Variants in GRM7 observed in about 807,000 individuals in gnomAD.
GRM7 encodes the protein metabotropic glutamate receptor 7.
A neutral mutation model predicts 84.5 loss-of-function variants in GRM7; 35 were observed. The ratio of observed to expected loss-of-function variants is 0.41; its 90% CI spans 0.32 to 0.55. The LOEUF is 0.55. GRM7 is among the 20% of genes least tolerant of loss of function. The pLI, the probability that GRM7 is intolerant of heterozygous loss-of-function variation, is 0.19. For missense variants in GRM7, 1,003 were observed against 1,194.6 expected (o/e 0.84, Z 2.36); for synonymous variants, 487 against 455.1 (o/e 1.07, Z -0.89).
At chr3:6,996,251 T>C (rs1056491445) in intron 1 of GRM7, among the ~76,000 whole-genome samples, 4 of 152,078 alleles carry the variant, frequency 2.6e-5, no homozygotes, top group Non-Finnish European at 4.4e-5. Flanking sequence ...GATGTCACCG[T>C]GTTTGCCAGG....
intron 5 of GRM7, among the ~76,000 whole-genome samples, chr3:7,447,739 A>ATATTTATTT (rs952737550): frequency 7.1e-6 from 1 of 140,736 alleles, no homozygotes; most frequent in African/African-American, 2.5e-5. Context: ...TTTTTTTTTA[A>ATATTTATTT]TATTTATTTT....
chr3:7,168,704 C>T (rs1694886199), intron 2 of GRM7, among the ~76,000 whole-genome samples: 1 of 152,144 alleles, frequency 6.6e-6, no homozygotes, highest in African/African-American at 2.4e-5. Flanking sequence ...ACAACACTAA[C>T]AATTTAGCTG....
At chr3:7,228,658 A>T (rs1403951863) in intron 2 of GRM7, among the ~76,000 whole-genome samples, 1 of 152,232 alleles carries the variant, frequency 6.6e-6, no homozygotes, top group Non-Finnish European at 1.5e-5. Flanking sequence ...TAACAATAAA[A>T]GTCTCTTTCA....
intron 8 of GRM7, among the ~76,000 whole-genome samples, chr3:7,618,082 G>T (rs1466173442): frequency 6.6e-6 from 1 of 152,060 alleles, no homozygotes; most frequent in East Asian, 1.9e-4. Flanking sequence ...AGCTAACAAG[G>T]CTTAGCTCAG....
rs1695554877 is a variant in GRM7, at chr3:7,016,089, T to G, written c.520-130363T>G. Reference sequence around the variant, plus strand: ...TTTAGCTGTAAATGGAATGCTACTGTAGAGGAATACGCAGTTTATTAAGGG... The same window carrying G: ...TTTAGCTGTAAATGGAATGCTACTGGAGAGGAATACGCAGTTTATTAAGGG... On this transcript the variant is annotated intron_variant, in intron 1 of 9. Transcript: ENST00000357716. 2.1e-5 allele frequency among the ~76,000 whole-genome samples: 3 copies of G among 145,718 alleles called. No homozygotes were observed. In the Admixed American group the frequency reaches 2.1e-4, roughly 10 times the overall value.
chr3:6,902,520 A>G (rs1696424432), intron 1 of GRM7, among the ~76,000 whole-genome samples: 1 of 152,178 alleles, frequency 6.6e-6, no homozygotes. Flanking sequence ...TTTAGAACTA[A>G]GAGTCAACTT....
Position 7,635,433 on chromosome 3 carries a change from C to A in GRM7, c.2452-44616C>A, listed in dbSNP as rs116555600. Among the ~76,000 whole-genome samples, 1,037 of 152,308 alleles carry A rather than the reference C, an allele frequency of 6.8e-3. 12 individuals carry two copies. The highest frequency in any genetic ancestry group is 0.023 in the African/African-American group (947 of 41,580). On this transcript the variant is annotated intron_variant, in intron 8 of 9. Coordinates refer to ENST00000357716, the MANE Select transcript of GRM7 (RefSeq NM_000844.4). ...TGAAGCATGGAGTTGTCAAACCAAC[C>A]TAACTCCTTAATAAAATGGCATCTT...
Position 7,314,459 on chromosome 3 carries a change from G to A in GRM7, c.1033+7807G>A, listed in dbSNP as rs190820460. On this transcript the variant is annotated intron_variant, in intron 4 of 9. Transcript: ENST00000357716. ...TTCAAGTGTTAACTGTCTGCTGTTT[G>A]TCAGACACTGACTATGGCCAATTGC... Among the ~76,000 whole-genome samples the A allele has an allele frequency of 8.2e-4, 125 of 152,254 alleles. 1 individual carries two copies. The highest frequency in any genetic ancestry group is 3.4e-3 in the Middle Eastern group (1 of 294).
At chr3:7,539,674 C>CAA (rs57039269) in intron 7 of GRM7, among the ~76,000 whole-genome samples, 37 of 86,986 alleles carry the variant, frequency 4.3e-4, no homozygotes, top group East Asian at 2.1e-3. Flanking sequence ...GACTCTGTCT[C>CAA]AAAAAAAAAA....
chr3:7,070,557 G>A (rs1697834633), intron 1 of GRM7, among the ~76,000 whole-genome samples: 1 of 152,014 alleles, frequency 6.6e-6, no homozygotes. Context: ...GTTCACGTAG[G>A]ATTTGTTCCT....
At chr3:7,079,152 C>A (rs750483385) in intron 1 of GRM7, among the ~76,000 whole-genome samples, 3 of 152,022 alleles carry the variant, frequency 2.0e-5, no homozygotes, top group African/African-American at 4.8e-5. Flanking sequence ...GGCCCAGACC[C>A]CCAGATTTTG....
chr3:7,022,224 G>A (rs1408053720), intron 1 of GRM7, among the ~76,000 whole-genome samples: 1 of 151,962 alleles, frequency 6.6e-6, no homozygotes, highest in African/African-American at 2.4e-5. Flanking sequence ...CTACTCAGGA[G>A]CTGAGGTGGG....
chr3:7,523,574 A>G (rs1373445323), intron 7 of GRM7, among the ~76,000 whole-genome samples: 1 of 152,206 alleles, frequency 6.6e-6, no homozygotes, highest in Non-Finnish European at 1.5e-5. Flanking sequence ...GTTTTAAGGT[A>G]TGCATCATTT....
chr3:7,723,294 G>A (rs890553519), intron 9 of GRM7, among the ~76,000 whole-genome samples: 1 of 152,054 alleles, frequency 6.6e-6, no homozygotes, highest in South Asian at 2.1e-4. Flanking sequence ...TGCTCCTAAT[G>A]GAAGGAACTC....
chr3:7,134,293 A>G (rs1374975466), intron 1 of GRM7, among the ~76,000 whole-genome samples: 1 of 151,992 alleles, frequency 6.6e-6, no homozygotes, highest in Non-Finnish European at 1.5e-5. Context: ...CTTATTTTCC[A>G]TGTTCCATAA....
intron 8 of GRM7, among the ~76,000 whole-genome samples, chr3:7,600,373 A>C (rs1011655636): frequency 1.3e-5 from 2 of 152,110 alleles, no homozygotes; most frequent in Non-Finnish European, 2.9e-5. Context: ...AGGTGGTGAG[A>C]TGGGGCTGGC....
intron 7 of GRM7, among the ~76,000 whole-genome samples, chr3:7,496,214 G>A (rs1699696021): frequency 6.6e-6 from 1 of 152,102 alleles, no homozygotes; most frequent in South Asian, 2.1e-4. Flanking sequence ...TTCATTGCAT[G>A]AGTAAAACAT....
intron 7 of GRM7, among the ~76,000 whole-genome samples, chr3:7,543,541 A>C (rs1395172793): frequency 6.6e-6 from 1 of 152,226 alleles, no homozygotes; most frequent in African/African-American, 2.4e-5. Context: ...CTTTGGCAGC[A>C]ATTCTGCCAC....
intron 8 of GRM7, among the ~76,000 whole-genome samples, chr3:7,631,555 C>T (rs9860274): frequency 6.6e-6 from 1 of 151,930 alleles, no homozygotes; most frequent in Non-Finnish European, 1.5e-5. Context: ...GAGATACCTG[C>T]CTTCATGAAG....
Sources: gnomAD v4.1 joint callset for allele counts (sites outside exome capture counted in the v4.1 genomes callset) on GRCh38, gnomAD v4.1.1 for gene constraint, MANE v1.5 for transcripts, NCBI Gene and HGNC (gene_info 2026-07-23, HGNC 2026-07-21) for gene names.